The following PSMB6 variants were observed in gnomAD, a reference collection of about 807,000 sequenced individuals.
PSMB6 encodes proteasome subunit beta type-6.
A neutral mutation model predicts 28.2 loss-of-function variants in PSMB6; 11 were observed. The observed-to-expected ratio is 0.39, with a 90% CI of 0.25 to 0.65. PSMB6 has a LOEUF of 0.65. PSMB6 is among the 30% of genes least tolerant of loss of function. The probability of loss-of-function intolerance (pLI) is 0.48; values close to 1 mark genes in which losing one functional copy is unlikely to be tolerated. For missense variants in PSMB6, 268 were observed against 319.4 expected, an observed-to-expected ratio of 0.84 and a Z score of 1.23; for synonymous variants, 126 against 117.7, an observed-to-expected ratio of 1.07 and a Z score of -0.45.
intron 2 of PSMB6, 131 bp from the exon 3 acceptor site, chr17:4,797,307 T>C (rs372151134): frequency 2.4e-5 from 28 of 1,166,018 alleles, no homozygotes; most frequent in Non-Finnish European, 2.5e-5. Context: ...AGAGCGAGAC[T>C]CCATCTCAAA....
At chr17:4,796,479 G>A (rs574223205) in intron 1 of PSMB6, among the ~76,000 whole-genome samples, 183 bp downstream of exon 1, 1 of 152,294 alleles carries the variant, frequency 6.6e-6, no homozygotes, top group South Asian at 2.1e-4. Context: ...GTGGGAGGTG[G>A]AGGGTGGGCT....
chr17:4,796,285 G>A lies in PSMB6; in HGVS notation c.91G>A (p.Val31Ile), dbSNP rs775892066. The A allele has an allele frequency of 8.2e-6, 13 of 1,576,766 alleles. No homozygotes were observed. The South Asian group carries it at 9.3e-5, about 11-fold the overall frequency. ...CACTCCAGACTGGGAAAGCCGAGAAGTTTCCACTGGGGTGAGGAAGGAATC... is the reference window on the plus strand; with the variant it reads ...CACTCCAGACTGGGAAAGCCGAGAAATTTCCACTGGGGTGAGGAAGGAATC... ...AFTPDWESRE[V>I]STGTTIMAVQ... The change falls in exon 1 of 6, where the codon GTT (valine) becomes ATT (isoleucine). Residue 31 changes from valine (V) to isoleucine (I), a missense_variant. Coordinates refer to ENST00000270586, the MANE Select transcript of PSMB6 (RefSeq NM_002798.3).
In PSMB6 at chr17:4,797,586, G is replaced by T; in HGVS notation, c.302+17G>T. On this transcript the variant is annotated intron_variant, in intron 3 of 5. Coordinates refer to ENST00000270586, the MANE Select transcript of PSMB6 (RefSeq NM_002798.3). ...TTTCCACAGGTGCTTGTGGGCAGGG[G>T]AGGGGCAAGTATCTGAAGGGAGTTG... 1 of 1,593,298 alleles carries T rather than the reference G, an allele frequency of 6.3e-7. No individual in the cohort carries two copies. Among genetic ancestry groups the T allele is most frequent in the Non-Finnish European group, 8.6e-7 (1 of 1,166,062 alleles).
In PSMB6 at chr17:4,797,489, C is replaced by T. The variant is rs1040121281; in HGVS notation, c.222C>T (p.Arg74=). The change falls in exon 3 of 6, where the codon CGC becomes CGT. Residue 74 remains arginine (R), a synonymous_variant. Transcript: ENST00000270586. ...VTDKLTPIHD[R]IFCCRSGSAA... is the part of the protein sequence containing the mutation. ...ACAAGCTGACACCTATTCACGACCG[C>T]ATTTTCTGCTGTCGCTCAGGCTCAG... 6.2e-7 allele frequency: 1 copy of T among 1,604,326 alleles called. No individual in the cohort carries two copies. The highest frequency in any genetic ancestry group is 1.3e-5 in the African/African-American group (1 of 74,770).
intron 4 of PSMB6, 90 bp from the exon 5 acceptor site, chr17:4,797,919 G>A (rs753796810): frequency 4.4e-5 from 70 of 1,602,066 alleles, no homozygotes; most frequent in Non-Finnish European, 5.3e-5. Flanking sequence ...TACTATTAAC[G>A]TGCCTCAGAC....
intron 2 of PSMB6, 85 bp from the exon 3 acceptor site, chr17:4,797,353 C>G: frequency 6.8e-7 from 1 of 1,474,710 alleles, no homozygotes; most frequent in Non-Finnish European, 9.1e-7. Flanking sequence ...GACATCCTAT[C>G]CCTGAGCCCT....
rs764152133 is a variant in PSMB6, at chr17:4,798,011, G to C, written c.435G>C (p.Val145=). 1 of 1,614,052 alleles carries C rather than the reference G, an allele frequency of 6.2e-7. No individual in the cohort carries two copies. Among genetic ancestry groups the C allele is most frequent in the Non-Finnish European group, 8.5e-7 (1 of 1,180,012 alleles). ...AGWDPQEGGQ[V]YSVPMGGMMV... Reference sequence around the variant, plus strand: ...ACTCCTCTCCTTCTATCTGGCAGGTGTACTCAGTGCCTATGGGGGGTATGA... The same window carrying C: ...ACTCCTCTCCTTCTATCTGGCAGGTCTACTCAGTGCCTATGGGGGGTATGA... Residue 145 remains valine, a splice_region_variant and synonymous_variant, in exon 5 of 6, where the codon GTG becomes GTC. Coordinates refer to ENST00000270586, the MANE Select transcript of PSMB6 (RefSeq NM_002798.3).
Position 4,797,476 on chromosome 17 carries a change from C to T in PSMB6, c.209C>T (p.Pro70Leu). Reference protein sequence around the residue: ...IANRVTDKLTPIHDRIFCCRS... With the variant: ...IANRVTDKLTLIHDRIFCCRS... ...AATCGAGTGACTGACAAGCTGACAC[C>T]TATTCACGACCGCATTTTCTGCTGT... Residue 70 changes from proline to leucine, a missense_variant, in exon 3 of 6, where the codon CCT (proline) becomes CTT (leucine). Transcript: ENST00000270586. 6.3e-7 allele frequency: 1 copy of T among 1,597,576 alleles called. No homozygotes were observed. Among genetic ancestry groups the T allele is most frequent in the Non-Finnish European group, 8.6e-7 (1 of 1,169,244 alleles).
Position 4,798,345 on chromosome 17 carries a change from G to A in PSMB6, c.643G>A (p.Glu215Lys), listed in dbSNP as rs1193582566. 5.6e-6 allele frequency: 9 copies of A among 1,614,152 alleles called. No homozygotes were observed. The highest frequency in any genetic ancestry group is 1.3e-5 in the African/African-American group (1 of 74,944). Reference protein sequence around the residue: ...GGVIRLAAIAESGVERQVLLG... With the variant: ...GGVIRLAAIAKSGVERQVLLG... ...AGTGATCCGCCTGGCAGCCATTGCA[G>A]AGTCAGGGGTAGAGCGGCAAGTACT... The change falls in exon 6 of 6, where the codon GAG becomes AAG. Residue 215 changes from glutamate (E) to lysine (K), a missense_variant. Glu to Lys is a moderately conservative substitution (Grantham distance 56, BLOSUM62 1). Transcript: ENST00000270586.
rs116006635 is a variant in PSMB6, at chr17:4,798,452, T to C, written c.*30T>C. The C allele has an allele frequency of 9.1e-4, 1,437 of 1,576,464 alleles. 13 individuals carry two copies. The African/African-American group carries it at 0.018, about 19-fold the overall frequency. On this transcript the variant is annotated 3_prime_UTR_variant, in exon 6 of 6. Coordinates refer to ENST00000270586, the MANE Select transcript of PSMB6 (RefSeq NM_002798.3). Reference sequence around the variant, plus strand: ...TGGGATTCTAGTATGCAATAAGAGATGCCCTGTACTGATGCAAAATTTAAT... The same window carrying C: ...TGGGATTCTAGTATGCAATAAGAGACGCCCTGTACTGATGCAAAATTTAAT...
In PSMB6 at chr17:4,797,222, A is replaced by G. The variant is rs572887070; in HGVS notation, c.171-216A>G. On this transcript the variant is annotated intron_variant, in intron 2 of 5. Transcript: ENST00000270586. ...CCCAGCTACTTGGGAGGCTAGGGCT[A>G]GAGAATCGCTTGGACCCAGGAGGTG... 2.5e-4 allele frequency: 139 copies of G among 550,552 alleles called. No homozygotes were observed. The South Asian group carries it at 3.9e-3, about 15-fold the overall frequency. The allele number at this position is 550,552 out of a possible 1,614,324, so 34.1% of individuals were successfully genotyped here.
At position 4,798,039 on chromosome 17, in the gene PSMB6, G is replaced by A. The variant is rs1193701659; in HGVS notation, c.463G>A (p.Val155Ile). 171 of 1,614,144 alleles carry A rather than the reference G, an allele frequency of 1.1e-4. 2 individuals carry two copies. The East Asian group carries it at 3.8e-3, about 36-fold the overall frequency. The change falls in exon 5 of 6, where the codon GTA becomes ATA. Residue 155 changes from valine (V) to isoleucine (I), a missense_variant. Transcript: ENST00000270586. ...VYSVPMGGMM[V>I]RQSFAIGGSG... ...CTCAGTGCCTATGGGGGGTATGATG[G>A]TAAGGCAGTCCTTTGCCATTGGAGG... is the stretch of plus-strand genomic sequence containing the variant.
At position 4,798,020 on chromosome 17, in the gene PSMB6, G is replaced by T. The variant is rs1452618268; in HGVS notation, c.444G>T (p.Val148=). Residue 148 remains valine, a synonymous_variant, in exon 5 of 6, where the codon GTG becomes GTT. Coordinates refer to ENST00000270586, the MANE Select transcript of PSMB6 (RefSeq NM_002798.3). ...CTTCTATCTGGCAGGTGTACTCAGTGCCTATGGGGGGTATGATGGTAAGGC... is the reference window on the plus strand; with the variant it reads ...CTTCTATCTGGCAGGTGTACTCAGTTCCTATGGGGGGTATGATGGTAAGGC... ...DPQEGGQVYS[V]PMGGMMVRQS... is the part of the protein sequence containing the mutation. The T allele has an allele frequency of 5.0e-6, 8 of 1,614,054 alleles. No homozygotes were observed. Among genetic ancestry groups the T allele is most frequent in the Non-Finnish European group, 6.8e-6 (8 of 1,180,040 alleles).
intron 4 of PSMB6, 67 bp from the exon 5 acceptor site, chr17:4,797,942 G>A: frequency 6.2e-7 from 1 of 1,606,442 alleles, no homozygotes; most frequent in Non-Finnish European, 8.5e-7. Flanking sequence ...ATAGCAGAAT[G>A]GACAGGTGAA....
intron 1 of PSMB6, 106 bp from the exon 2 acceptor site, chr17:4,796,622 T>C: frequency 9.1e-7 from 1 of 1,099,058 alleles, no homozygotes; most frequent in Non-Finnish European, 1.4e-6. Context: ...GATTTGAAAA[T>C]GGTTCAGCGA....
chr17:4,796,906 T>C, intron 2 of PSMB6, 111 bp downstream of exon 2: 1 of 909,066 alleles, frequency 1.1e-6, no homozygotes, highest in Non-Finnish European at 1.7e-6. Flanking sequence ...AGGTTTCTTC[T>C]CTCTCTGGAG....
rs769496105 is a variant in PSMB6 at position 4,797,723 on chromosome 17, G to C, written c.344G>C (p.Ser115Thr). ...CCTCCACTGGTCCACACAGCAGCCAGCCTCTTTAAGGAGATGTGTTACCGA... is the reference window on the plus strand; with the variant it reads ...CCTCCACTGGTCCACACAGCAGCCACCCTCTTTAAGGAGATGTGTTACCGA... ...NEPPLVHTAA[S>T]LFKEMCYRYR... The change falls in exon 4 of 6, where the codon AGC (serine) becomes ACC (threonine). Residue 115 changes from serine (S) to threonine (T), a missense_variant. By Grantham distance (58) the Ser-to-Thr change is moderately conservative. Coordinates refer to ENST00000270586, the MANE Select transcript of PSMB6 (RefSeq NM_002798.3). 11 of 1,614,078 alleles carry C rather than the reference G, an allele frequency of 6.8e-6. No homozygotes were observed. The highest frequency in any genetic ancestry group is 4.0e-5 in the African/African-American group (3 of 74,944).
At chr17:4,796,589 G>C (rs111908909) in intron 1 of PSMB6, 139 bp from the exon 2 acceptor site, 19 of 870,568 alleles carry the variant, frequency 2.2e-5, no homozygotes, top group Non-Finnish European at 2.2e-5. Flanking sequence ...CTGGTATTCT[G>C]CGGGGTGCTG....
Position 4,796,768 on chromosome 17 carries a change from TG to T in PSMB6, c.148del (p.Ala50ArgfsTer15). ...GTGCAGTTTGACGGGGGCGTGGTTC[TG>T]GGGGCGGACTCCAGAACAACCACTG... ...MAVQFDGGVV[L>X]GADSRTTTGS... On this transcript the variant is annotated frameshift_variant, in exon 2 of 6. Coordinates refer to ENST00000270586, the MANE Select transcript of PSMB6 (RefSeq NM_002798.3). LOFTEE classifies it high-confidence loss of function. 6.2e-7 allele frequency: 1 copy of T among 1,609,738 alleles called. No homozygotes were observed. The highest frequency in any genetic ancestry group is 1.1e-5 in the South Asian group (1 of 90,972).
Sources: gnomAD v4.1 joint callset for allele counts (sites outside exome capture counted in the v4.1 genomes callset) on GRCh38, gnomAD v4.1.1 for gene constraint, MANE v1.5 for transcripts, NCBI Gene and HGNC (gene_info 2026-07-23, HGNC 2026-07-21) for gene names.